The following SPTBN2 variants were observed in gnomAD, a reference collection of about 807,000 sequenced individuals.
SPTBN2 encodes the protein spectrin beta chain, non-erythrocytic 2.
SPTBN2 carries 107 observed loss-of-function variants against 284.2 expected under a neutral mutation model. The observed-to-expected ratio is 0.38, with a 90% CI of 0.32 to 0.44. The LOEUF is 0.44. SPTBN2 is among the 20% of genes least tolerant of loss of function. The pLI is 1.00. For synonymous variants in SPTBN2, 1,289 were observed against 1,354.8 expected (o/e 0.95, Z 1.07); for missense variants, 2,569 against 3,287.1 (o/e 0.78, Z 5.34).
At position 66,687,256 on chromosome 11, in the gene SPTBN2, C is replaced by G. The variant is rs1590905410; in HGVS notation, c.6723-89G>C. 1.9e-6 allele frequency: 3 copies of G among 1,584,230 alleles called. No homozygotes were observed. The South Asian group carries it at 3.4e-5, about 18-fold the overall frequency. ...GTGTCCTAGGACTTCCAGTTCTGCT[C>G]CCATCTTTAGGCCACGGTCTTCACA... On this transcript the variant is annotated intron_variant, in intron 35 of 37. Coordinates refer to ENST00000533211, the MANE Select transcript of SPTBN2 (RefSeq NM_006946.4). The surrounding 1 kb of genome is among the most constrained non-coding windows in gnomAD (Gnocchi z 5.2).
rs373270554 is a variant in SPTBN2 at position 66,694,198 on chromosome 11, G to A, written c.4444C>T (p.Arg1482Trp). ...ALCQPMRERC[R>W]RLQASREQHQ... ...TGCTCGCGAGAAGCCTGCAGGCGCC[G>A]GCAGCGTTCCCGCATGGGCTGGCAC... is the stretch of plus-strand genomic sequence containing the variant. Residue 1482 changes from arginine (R) to tryptophan (W), a missense_variant, in exon 22 of 38, where the codon CGG becomes TGG. Transcript: ENST00000533211. 8.3e-5 allele frequency: 134 copies of A among 1,613,346 alleles called. 3 individuals are homozygous for A. The South Asian group carries it at 1.1e-3, about 13-fold the overall frequency.
At chr11:66,728,276 G>A (rs908047820) in intron 1 of SPTBN2, 2 of 145,674 alleles carry the variant, frequency 1.4e-5, no homozygotes, top group Middle Eastern at 3.6e-3. Context: ...CCGGGCGCAC[G>A]GCGGGCGGCG....
At chr11:66,743,479 C>G (rs1178024459) in intron 1 of SPTBN2, among the ~76,000 whole-genome samples, 1 of 152,140 alleles carries the variant, frequency 6.6e-6, no homozygotes, top group Admixed American at 6.5e-5. Flanking sequence ...ACACCCTGTC[C>G]CACCCTTCTC....
At position 66,691,456 on chromosome 11, in the gene SPTBN2, G is replaced by T; in HGVS notation, c.5393C>A (p.Ala1798Asp). The change falls in exon 27 of 38, where the codon GCC becomes GAC. Residue 1798 changes from alanine to aspartate, a missense_variant. By Grantham distance (126) the Ala-to-Asp change is moderately radical (BLOSUM62 -2). Transcript: ENST00000533211. The surrounding 1 kb of genome is among the most constrained non-coding windows in gnomAD (Gnocchi z 8.0). Reference protein sequence around the residue: ...ELLDTRGQVLAAAYELQRFLH... With the variant: ...ELLDTRGQVLDAAYELQRFLH... ...GAAGCGCTGCAGCTCGTACGCCGCG[G>T]CCAGCACCTGACCCCGTGTGTCCAG... The T allele has an allele frequency of 6.2e-7, 1 of 1,611,614 alleles. No individual in the cohort carries two copies.
chr11:66,724,139 G>A (rs1448074069), intron 1 of SPTBN2, among the ~76,000 whole-genome samples: 1 of 152,154 alleles, frequency 6.6e-6, no homozygotes, highest in Non-Finnish European at 1.5e-5. Flanking sequence ...CTGATTTTTT[G>A]GCCGGGTGCG....
At position 66,710,771 on chromosome 11, in the gene SPTBN2, T is replaced by C; in HGVS notation, c.886-2A>G. 6.2e-7 allele frequency: 1 copy of C among 1,613,852 alleles called. No individual in the cohort carries two copies. The highest frequency in any genetic ancestry group is 8.5e-7 in the Non-Finnish European group (1 of 1,180,028). ...TGCCTCCATGGCATGGTCCAGCACC[T>C]GGGAGGCAGAAGACAGGGACGTGAC... is the stretch of plus-strand genomic sequence containing the variant. On this transcript the variant is annotated splice_acceptor_variant, in intron 9 of 37. Transcript: ENST00000533211. LOFTEE classifies it high-confidence loss of function. This position sits in a 1 kb window ranked among gnomAD's most constrained non-coding sequence, Gnocchi z 4.9.
rs567448681 is a variant in SPTBN2 at position 66,692,413 on chromosome 11, C to T, written c.5190+123G>A. On this transcript the variant is annotated intron_variant, in intron 26 of 37. Transcript: ENST00000533211. Reference sequence around the variant, plus strand: ...TACCTCAAAACCAGGAGGACAGTGCCTGCTCAGCCTGGTCTTGCCCCTTAG... The same window carrying T: ...TACCTCAAAACCAGGAGGACAGTGCTTGCTCAGCCTGGTCTTGCCCCTTAG... 7.8e-6 allele frequency: 9 copies of T among 1,158,920 alleles called. No individual in the cohort carries two copies. In the East Asian group the frequency reaches 2.2e-4, roughly 28 times the overall value. 71.8% of individuals were successfully genotyped at this position (1,158,920 alleles called of 1,614,324 possible).
At chr11:66,709,470 G>C (rs1452536143) in intron 10 of SPTBN2, among the ~76,000 whole-genome samples, 1 of 152,228 alleles carries the variant, frequency 6.6e-6, no homozygotes, top group Non-Finnish European at 1.5e-5. Context: ...GAGCCACGGT[G>C]CCCAGCCAAA....
At position 66,700,568 on chromosome 11, in the gene SPTBN2, G is replaced by A. The variant is rs751694888; in HGVS notation, c.3531C>T (p.Phe1177=). Reference sequence around the variant, plus strand: ...CCTCAGCCTGACGAGCATCCCGCAGGAATCCCTGGAAGCCGTGGGCCTGGG... The same window carrying A: ...CCTCAGCCTGACGAGCATCCCGCAGAAATCCCTGGAAGCCGTGGGCCTGGG... The part of the protein sequence containing the change: ...RLAQAHGFQG[F]LRDARQAEGV... The change falls in exon 17 of 38, where the codon TTC becomes TTT. Residue 1177 remains phenylalanine, a synonymous_variant. Transcript: ENST00000533211. The surrounding 1 kb of genome is among the most constrained non-coding windows in gnomAD (Gnocchi z 6.6). The A allele has an allele frequency of 2.5e-6, 4 of 1,607,118 alleles. No individual in the cohort carries two copies. In the Admixed American group the frequency reaches 5.0e-5, roughly 20 times the overall value.
At chr11:66,694,385 G>A (rs1940779490) in intron 21 of SPTBN2, 22 bp from the exon 22 acceptor site, 4 of 1,611,782 alleles carry the variant, frequency 2.5e-6, no homozygotes, top group Non-Finnish European at 3.4e-6. Context: ...CAGGAGGAAG[G>A]ACATGTTAGC....
chr11:66,728,224 C>A, intron 1 of SPTBN2: 1 of 145,198 alleles, frequency 6.9e-6, no homozygotes, highest in South Asian at 2.0e-4. Context: ...CGGTAGTTGC[C>A]GCGCCTGCAG....
chr11:66,703,301 T>G (rs1941346063), intron 15 of SPTBN2, among the ~76,000 whole-genome samples: 1 of 152,056 alleles, frequency 6.6e-6, no homozygotes, highest in South Asian at 2.1e-4. Context: ...AGGCTGGTTA[T>G]GAACTCTTGG....
intron 1 of SPTBN2, among the ~76,000 whole-genome samples, chr11:66,727,556 C>G (rs1359502466): frequency 6.6e-6 from 1 of 152,242 alleles, no homozygotes; most frequent in Non-Finnish European, 1.5e-5. Flanking sequence ...TATCAGCTTC[C>G]TGGCCACAGA....
At position 66,708,677 on chromosome 11, in the gene SPTBN2, C is replaced by G. The variant is rs952412739; in HGVS notation, c.1191+225G>C. On this transcript the variant is annotated intron_variant, in intron 11 of 37. Coordinates refer to ENST00000533211, the MANE Select transcript of SPTBN2 (RefSeq NM_006946.4). This position sits in a 1 kb window ranked among gnomAD's most constrained non-coding sequence, Gnocchi z 4.4. ...GGGGCATAATTTCCTTATGTGACCT[C>G]GTATGGAGAGTCAGACAAAGGGACA... Among the ~76,000 whole-genome samples the G allele has an allele frequency of 6.6e-6, 1 of 152,062 alleles. No homozygotes were observed. Among genetic ancestry groups the G allele is most frequent in the Non-Finnish European group, 1.5e-5 (1 of 68,020 alleles).
Position 66,693,628 on chromosome 11 carries a change from C to T in SPTBN2, c.4593+144G>A. ...CCCCCACTATCTCCTACTGAGAGGA[C>T]CCACCCTCCCAAGGTGAGGAAAGAC... On this transcript the variant is annotated intron_variant, in intron 23 of 37. Transcript: ENST00000533211. The surrounding 1 kb of genome is among the most constrained non-coding windows in gnomAD (Gnocchi z 5.7). 7.8e-7 allele frequency: 1 copy of T among 1,280,068 alleles called. No individual in the cohort carries two copies. Among genetic ancestry groups the T allele is most frequent in the Non-Finnish European group, 1.1e-6 (1 of 914,810 alleles). The allele number at this position is 1,280,068 out of a possible 1,614,324, so 79.3% of individuals were successfully genotyped here.
intron 15 of SPTBN2, among the ~76,000 whole-genome samples, chr11:66,703,004 T>C (rs935021993): frequency 6.6e-6 from 1 of 151,780 alleles, no homozygotes; most frequent in Non-Finnish European, 1.5e-5. Context: ...AGGCTGGATT[T>C]GGCCCAAGGG....
chr11:66,732,703 C>T (rs1234494743), upstream of SPTBN2, among the ~76,000 whole-genome samples: 21 of 148,752 alleles, frequency 1.4e-4, no homozygotes, highest in Non-Finnish European at 2.2e-4. Flanking sequence ...CGGTGGCTCA[C>T]GCCTGTAATC....
At chr11:66,704,543 G>GCCCCCCCCC in intron 15 of SPTBN2, 55 bp downstream of exon 15, 90 of 1,550,260 alleles carry the variant, frequency 5.8e-5, no homozygotes, top group Non-Finnish European at 7.1e-5. Flanking sequence ...CCACATCCTG[G>GCCCCCCCCC]CCCCCCCACC....
In SPTBN2 at chr11:66,691,229, A is replaced by G; in HGVS notation, c.5565+55T>C. On this transcript the variant is annotated intron_variant, in intron 27 of 37. Transcript: ENST00000533211. This position sits in a 1 kb window ranked among gnomAD's most constrained non-coding sequence, Gnocchi z 8.0. ...CTAGCTCCTGGGAACTCTCCCCGGCATTTCCCCCATGGCCTCCTCTAAGCC... is the reference window on the plus strand; with the variant it reads ...CTAGCTCCTGGGAACTCTCCCCGGCGTTTCCCCCATGGCCTCCTCTAAGCC... 6.7e-7 allele frequency: 1 copy of G among 1,499,772 alleles called. No individual in the cohort carries two copies. The highest frequency in any genetic ancestry group is 2.3e-5 in the East Asian group (1 of 43,222). 92.9% of individuals were successfully genotyped at this position (1,499,772 alleles called of 1,614,324 possible). A position where few individuals can be genotyped will look rare whatever the true frequency, so the allele number is the denominator to read the frequency against.
Sources: allele counts gnomAD v4.1 joint callset (sites outside exome capture counted in the v4.1 genomes callset), GRCh38; gene constraint gnomAD v4.1.1; non-coding constraint Gnocchi (gnomAD v3.1); transcripts MANE v1.5; gene names NCBI Gene and HGNC (gene_info 2026-07-23, HGNC 2026-07-21).